The following KCNMA1 variants were observed in gnomAD, a reference collection of about 807,000 sequenced individuals.
KCNMA1 encodes potassium calcium-activated channel subfamily M alpha 1.
Under a neutral mutation model 140.0 loss-of-function variants are expected in KCNMA1, and 29 were observed. The ratio of observed to expected loss-of-function variants is 0.21; its 90% CI spans 0.15 to 0.28. The LOEUF (loss-of-function observed/expected upper bound fraction) is 0.28. KCNMA1 is among the 10% of genes least tolerant of loss of function. KCNMA1 has a pLI of 1.00. For synonymous variants in KCNMA1, 612 were observed against 611.9 expected (o/e 1.00, Z 0.00); for missense variants, 880 against 1,602.2 (o/e 0.55, Z 7.70).
chr10:76,933,461 A>G (rs1385016887), intron 23 of KCNMA1, among the ~76,000 whole-genome samples: 1 of 152,214 alleles, frequency 6.6e-6, no homozygotes, highest in African/African-American at 2.4e-5. Flanking sequence ...TGACATAGTG[A>G]GCCCTTTAAG....
intron 12 of KCNMA1, among the ~76,000 whole-genome samples, chr10:77,080,570 A>G (rs570440748): frequency 6.6e-6 from 1 of 152,308 alleles, no homozygotes; most frequent in South Asian, 2.1e-4. Flanking sequence ...CAAAATCACA[A>G]AACAGCCACA....
Position 77,481,692 on chromosome 10 carries a change from G to A in KCNMA1, c.379-77669C>T, listed in dbSNP as rs186885405. ...TGGGAGGCTGAGACAGGAGAATGGC[G>A]TGAACCCTGGAGGCAGAGCTTGCAG... On this transcript the variant is annotated intron_variant, in intron 1 of 27. Transcript: ENST00000286628. Among the ~76,000 whole-genome samples the A allele has an allele frequency of 2.5e-3, 383 of 151,286 alleles. 3 individuals are homozygous for A. Among genetic ancestry groups the A allele is most frequent in the Non-Finnish European group, 3.4e-3 (230 of 67,828 alleles).
chr10:76,915,127 A>T, intron 23 of KCNMA1, 78 bp from the exon 24 acceptor site: 1 of 922,122 alleles, frequency 1.1e-6, no homozygotes, highest in East Asian at 2.4e-5. Flanking sequence ...CACTATATAC[A>T]TACAACCCCA....
At chr10:77,068,735 T>C (rs530648284) in intron 14 of KCNMA1, among the ~76,000 whole-genome samples, 10 of 149,540 alleles carry the variant, frequency 6.7e-5, no homozygotes, top group Non-Finnish European at 1.3e-4. Flanking sequence ...TGTGTGTGTA[T>C]AAAATGATAG....
chr10:77,347,313 A>G (rs1167327196), intron 2 of KCNMA1, among the ~76,000 whole-genome samples: 1 of 152,242 alleles, frequency 6.6e-6, no homozygotes, highest in Non-Finnish European at 1.5e-5. Flanking sequence ...TCCCTATGTT[A>G]CAACAGAGAA....
intron 1 of KCNMA1, among the ~76,000 whole-genome samples, chr10:77,539,535 A>C (rs2059695385): frequency 6.6e-6 from 1 of 152,192 alleles, no homozygotes. Context: ...CTCAAGAATG[A>C]ACCCAGCTCT....
At chr10:76,953,081 C>A (rs2066895288) in intron 21 of KCNMA1, among the ~76,000 whole-genome samples, 1 of 152,114 alleles carries the variant, frequency 6.6e-6, no homozygotes, top group Non-Finnish European at 1.5e-5. Context: ...CTGGGTGAGC[C>A]CACTGCTGCT....
chr10:77,280,210 A>G (rs1346094007), intron 2 of KCNMA1, among the ~76,000 whole-genome samples: 1 of 152,230 alleles, frequency 6.6e-6, no homozygotes, highest in African/African-American at 2.4e-5. Flanking sequence ...AAACACCACA[A>G]ATTACCAATG....
intron 1 of KCNMA1, among the ~76,000 whole-genome samples, chr10:77,630,150 G>C (rs1298118363): frequency 1.3e-5 from 2 of 152,170 alleles, no homozygotes; most frequent in African/African-American, 2.4e-5. Flanking sequence ...GCCCACCCAG[G>C]CCCCTACAGA....
chr10:77,037,331 T>G (rs2094400608), intron 15 of KCNMA1, among the ~76,000 whole-genome samples: 1 of 152,234 alleles, frequency 6.6e-6, no homozygotes, highest in African/African-American at 2.4e-5. Context: ...CTGGAGCCAG[T>G]TAGCATTCTG....
intron 2 of KCNMA1, among the ~76,000 whole-genome samples, chr10:77,329,993 A>C (rs117545965): frequency 6.6e-6 from 1 of 152,224 alleles, no homozygotes; most frequent in Non-Finnish European, 1.5e-5. Context: ...TATTATAATT[A>C]GTTTTATTGT....
At position 77,108,430 on chromosome 10, in the gene KCNMA1, C is replaced by T; in HGVS notation, c.1223+51G>A. On this transcript the variant is annotated intron_variant, in intron 9 of 27. Coordinates refer to ENST00000286628, the MANE Select transcript of KCNMA1 (RefSeq NM_001161352.2). The surrounding 1 kb of genome is among the most constrained non-coding windows in gnomAD (Gnocchi z 4.6). ...GCCAAAAAAAAAAAAAAATGGCATG[C>T]AGAGAGGATTCTACCGCAGCAGAGG... is the stretch of plus-strand genomic sequence containing the variant. 6.3e-7 allele frequency: 1 copy of T among 1,599,608 alleles called. No individual in the cohort carries two copies.
intron 2 of KCNMA1, among the ~76,000 whole-genome samples, chr10:77,314,506 C>G (rs1477282895): frequency 6.6e-6 from 1 of 152,198 alleles, no homozygotes; most frequent in African/African-American, 2.4e-5. Context: ...TGCGCCCCTG[C>G]TGAATGGCTT....
chr10:77,376,948 A>AACACATAC (rs1555258738), intron 2 of KCNMA1, among the ~76,000 whole-genome samples: 1 of 148,314 alleles, frequency 6.7e-6, no homozygotes, highest in Non-Finnish European at 1.5e-5. Context: ...AAAATAAATA[A>AACACATAC]ATACATACAT....
intron 23 of KCNMA1, among the ~76,000 whole-genome samples, chr10:76,918,066 T>G (rs1448548097): frequency 6.6e-6 from 1 of 152,212 alleles, no homozygotes; most frequent in Non-Finnish European, 1.5e-5. Context: ...CTTGCTCTCC[T>G]TCCCATTATT....
chr10:77,020,866 G>A (rs111842630), intron 16 of KCNMA1: 3 of 152,210 alleles, frequency 2.0e-5, no homozygotes, highest in African/African-American at 7.2e-5. Context: ...CTTAATAGCT[G>A]TTTGACTTTG....
chr10:77,520,957 A>G (rs1393400942), intron 1 of KCNMA1, among the ~76,000 whole-genome samples: 1 of 152,260 alleles, frequency 6.6e-6, no homozygotes. Flanking sequence ...GCTCAGCTGC[A>G]GAAAGATCTT....
intron 5 of KCNMA1, among the ~76,000 whole-genome samples, chr10:77,122,560 A>C (rs543823460): frequency 1.3e-5 from 2 of 152,240 alleles, no homozygotes; most frequent in South Asian, 4.1e-4. Flanking sequence ...AAGGGAGAAA[A>C]AAAAAAGATG....
At chr10:77,503,233 C>T (rs1430221908) in intron 1 of KCNMA1, among the ~76,000 whole-genome samples, 1 of 152,184 alleles carries the variant, frequency 6.6e-6, no homozygotes, top group African/African-American at 2.4e-5. Flanking sequence ...TGGTAAGAGA[C>T]TTCCTAGTTT....
Sources: gnomAD v4.1 joint callset for allele counts (sites outside exome capture counted in the v4.1 genomes callset) on GRCh38, gnomAD v4.1.1 for gene constraint, Gnocchi (gnomAD v3.1) non-coding constraint, MANE v1.5 for transcripts, NCBI Gene and HGNC (gene_info 2026-07-23, HGNC 2026-07-21) for gene names.